The following RP1 variants were observed in gnomAD, a reference collection of about 807,000 sequenced individuals.
RP1 encodes the protein RP1 axonemal microtubule associated.
Under a neutral mutation model 14.8 loss-of-function variants are expected in RP1, and 16 were observed. The ratio of observed to expected loss-of-function variants is 1.08; its 90% CI spans 0.73 to 1.65. RP1 has a LOEUF of 1.65. RP1 is among the 40% of genes most tolerant of loss of function. The pLI is 0.00. For missense variants in RP1, 2,631 were observed against 2,535.0 expected, an observed-to-expected ratio of 1.04 and a Z score of -0.81; for synonymous variants, 876 against 883.6, an observed-to-expected ratio of 0.99 and a Z score of 0.15.
intron 1 of RP1, among the ~76,000 whole-genome samples, chr8:54,570,686 G>A (rs975847028): frequency 3.3e-5 from 5 of 150,878 alleles, no homozygotes; most frequent in Non-Finnish European, 7.4e-5. Context: ...ACAAACACAC[G>A]GAACACATTC....
chr8:54,588,685 T>A (rs945274458), intron 1 of RP1, among the ~76,000 whole-genome samples: 4 of 151,766 alleles, frequency 2.6e-5, no homozygotes, highest in African/African-American at 9.7e-5. Context: ...TATCATGGAG[T>A]GAGATTTAGA....
intron 17 of RP1, chr8:54,726,579 T>A: frequency 7.9e-7 from 1 of 1,268,806 alleles, no homozygotes; most frequent in Non-Finnish European, 1.0e-6. Context: ...CAGCATATAT[T>A]ATGTTATACC....
intron 6 of RP1, among the ~76,000 whole-genome samples, chr8:54,656,481 C>T (rs747882293): frequency 1.4e-4 from 21 of 151,916 alleles, no homozygotes; most frequent in South Asian, 4.2e-4. Flanking sequence ...AATTCTTAGG[C>T]GGTCATGAGA....
chr8:54,726,794 C>G (rs1433727017), intron 17 of RP1, among the ~76,000 whole-genome samples: 1 of 151,792 alleles, frequency 6.6e-6, no homozygotes, highest in Admixed American at 6.6e-5. Flanking sequence ...TTATGAAAAA[C>G]AGTAAATTCT....
chr8:54,796,235 G>A (rs1810573731), intron 24 of RP1, among the ~76,000 whole-genome samples: 1 of 152,106 alleles, frequency 6.6e-6, no homozygotes, highest in South Asian at 2.1e-4. Flanking sequence ...GTACCTAAGA[G>A]GATTGTTGTG....
chr8:54,585,702 A>G (rs1409866189), intron 1 of RP1, among the ~76,000 whole-genome samples: 1 of 152,006 alleles, frequency 6.6e-6, no homozygotes, highest in Non-Finnish European at 1.5e-5. Flanking sequence ...ATTTCTTTTT[A>G]TTCTTTTTTC....
chr8:54,680,961 C>CA (rs111593126), intron 12 of RP1, among the ~76,000 whole-genome samples: 47,163 of 121,956 alleles, frequency 0.39, 8,368 homozygotes, highest in Middle Eastern at 0.55. Flanking sequence ...CTGTCTCGGA[C>CA]AAAAAAAAAA....
At chr8:54,785,107 T>C (rs1454089407) in intron 24 of RP1, among the ~76,000 whole-genome samples, 1 of 152,052 alleles carries the variant, frequency 6.6e-6, no homozygotes, top group Non-Finnish European at 1.5e-5. Flanking sequence ...CACCACAATC[T>C]AATTTTAGAA....
intron 1 of RP1, among the ~76,000 whole-genome samples, chr8:54,578,661 T>C (rs1313506908): frequency 1.3e-5 from 2 of 152,256 alleles, no homozygotes; most frequent in Non-Finnish European, 2.9e-5. Flanking sequence ...GATCATGTAG[T>C]ACCTTTCAAA....
At chr8:54,753,344 T>C (rs1275632834) in intron 19 of RP1, among the ~76,000 whole-genome samples, 1 of 152,212 alleles carries the variant, frequency 6.6e-6, no homozygotes, top group African/African-American at 2.4e-5. Context: ...TGTGGTAGTA[T>C]TGAGATGGGT....
At chr8:54,852,797 C>A in intron 26 of RP1, 1 of 1,150,686 alleles carries the variant, frequency 8.7e-7, no homozygotes, top group Non-Finnish European at 1.1e-6. Flanking sequence ...CAAAAACACA[C>A]ACAAACAGAA....
chr8:54,768,033 T>C (rs1809806691), intron 22 of RP1, among the ~76,000 whole-genome samples: 1 of 152,224 alleles, frequency 6.6e-6, no homozygotes, highest in African/African-American at 2.4e-5. Flanking sequence ...ACGTCAGTCC[T>C]ACAGCTCAGA....
chr8:54,812,858 G>A (rs1055389725), intron 24 of RP1, among the ~76,000 whole-genome samples: 3 of 152,022 alleles, frequency 2.0e-5, no homozygotes, highest in African/African-American at 4.8e-5. Context: ...AAAGGAAGCA[G>A]GAATGATATT....
At chr8:54,722,770 A>G (rs1808567287) in intron 16 of RP1, among the ~76,000 whole-genome samples, 1 of 152,108 alleles carries the variant, frequency 6.6e-6, no homozygotes, top group African/African-American at 2.4e-5. Flanking sequence ...GGACTTGGAT[A>G]GGGTAAGAGA....
rs193240376 is a variant in RP1 at position 54,604,615 on chromosome 8, A to T, written c.-12-16340A>T. Among the ~76,000 whole-genome samples the T allele has an allele frequency of 2.0e-3, 302 of 152,308 alleles. 3 individuals carry two copies. The highest frequency in any genetic ancestry group is 6.8e-3 in the African/African-American group (284 of 41,560). ...TTGGAATAGTTTCAGAAGGAATGAT[A>T]CCAGATCCTCCTTGTACCTCTGGTA... On this transcript the variant is annotated intron_variant, in intron 1 of 22. Coordinates refer to the RP1 transcript ENST00000636932.
intron 1 of RP1, among the ~76,000 whole-genome samples, chr8:54,607,845 T>G (rs13278588): frequency 2.6e-5 from 4 of 152,158 alleles, no homozygotes; most frequent in South Asian, 4.2e-4. Context: ...CTCTGAGCCA[T>G]GCGTGGGATA....
intron 17 of RP1, among the ~76,000 whole-genome samples, chr8:54,733,032 A>C (rs895589579): frequency 2.6e-5 from 4 of 152,132 alleles, no homozygotes; most frequent in African/African-American, 9.7e-5. Context: ...CATGATGATG[A>C]ATGTTAAGTG....
At chr8:54,863,133 T>G (rs1439172635) in intron 27 of RP1, among the ~76,000 whole-genome samples, 1 of 146,824 alleles carries the variant, frequency 6.8e-6, no homozygotes, top group Non-Finnish European at 1.5e-5. Flanking sequence ...ACATATATGA[T>G]GGTAGTCCCA....
At chr8:54,776,858 A>C (rs1272313282) in intron 23 of RP1, among the ~76,000 whole-genome samples, 1 of 152,196 alleles carries the variant, frequency 6.6e-6, no homozygotes, top group Non-Finnish European at 1.5e-5. Flanking sequence ...TGAATGTACT[A>C]AATAGGCAGG....
Sources: gnomAD v4.1 joint callset for allele counts (sites outside exome capture counted in the v4.1 genomes callset) on GRCh38, gnomAD v4.1.1 for gene constraint, MANE v1.5 for transcripts, NCBI Gene and HGNC (gene_info 2026-07-23, HGNC 2026-07-21) for gene names.